BBX: variants seen among roughly 807,000 people sequenced by gnomAD.
BBX encodes BBX high mobility group box domain containing.
Under a neutral mutation model 100.2 loss-of-function variants are expected in BBX, and 30 were observed. That is an observed-to-expected ratio of 0.30 (90% CI 0.22 to 0.41). The LOEUF (loss-of-function observed/expected upper bound fraction) is 0.41, where lower values mean the gene tolerates loss of function less well. BBX is among the 10% of genes least tolerant of loss of function. The probability of loss-of-function intolerance (pLI) is 1.00; values close to 1 mark genes in which losing one functional copy is unlikely to be tolerated. For missense variants in BBX, 1,023 were observed against 1,129.8 expected (o/e 0.91, Z 1.35); for synonymous variants, 376 against 388.1 (o/e 0.97, Z 0.37).
At chr3:107,767,286 G>A (rs1576706488) in intron 10 of BBX, among the ~76,000 whole-genome samples, 1 of 152,122 alleles carries the variant, frequency 6.6e-6, no homozygotes, top group Non-Finnish European at 1.5e-5. Flanking sequence ...AGGAGACTGG[G>A]AGATGGGAGG....
intron 6 of BBX, among the ~76,000 whole-genome samples, chr3:107,730,531 A>G (rs1459790510): frequency 1.3e-5 from 2 of 149,594 alleles, no homozygotes; most frequent in Non-Finnish European, 3.0e-5. Context: ...TTCACAAACC[A>G]TATAACAATT....
chr3:107,661,672 C>T (rs2058450561), intron 3 of BBX, among the ~76,000 whole-genome samples: 1 of 152,170 alleles, frequency 6.6e-6, no homozygotes, highest in African/African-American at 2.4e-5. Flanking sequence ...CCAGCTTCCT[C>T]CCTGTCTGTG....
intron 3 of BBX, among the ~76,000 whole-genome samples, chr3:107,660,503 A>G (rs1194258646): frequency 1.5e-4 from 12 of 81,784 alleles, no homozygotes; most frequent in Non-Finnish European, 2.5e-4. Flanking sequence ...TGCAAAAAGC[A>G]TTAAAAAAAA....
chr3:107,710,519 G>A lies in BBX; in HGVS notation c.59G>A (p.Arg20Gln), dbSNP rs765761541. The A allele has an allele frequency of 4.3e-6, 7 of 1,613,654 alleles. No homozygotes were observed. The highest frequency in any genetic ancestry group is 5.9e-6 in the Non-Finnish European group (7 of 1,179,788). Residue 20 changes from arginine to glutamine, a missense_variant, in exon 4 of 18, where the codon CGA becomes CAA. This residue lies in a region of BBX where 229 missense variants were observed against 226.3 expected (regional missense o/e 1.01). Transcript: ENST00000325805. ...GCAGAAGGAGAAGGGGTTGGAAAAC[G>A]ACCAAAACGAAAGTGTCTTCAGTGG... is the stretch of plus-strand genomic sequence containing the variant. ...HSAEGEGVGK[R>Q]PKRKCLQWHP...
intron 3 of BBX, among the ~76,000 whole-genome samples, chr3:107,665,512 C>T (rs1576245104): frequency 6.6e-6 from 1 of 152,218 alleles, no homozygotes; most frequent in East Asian, 1.9e-4. Flanking sequence ...GCTTTAGGCC[C>T]ATAACTGTGT....
intron 2 of BBX, among the ~76,000 whole-genome samples, chr3:107,570,027 A>G (rs2051228408): frequency 6.6e-6 from 1 of 152,166 alleles, no homozygotes; most frequent in Admixed American, 6.5e-5. Flanking sequence ...TCCCGTACAG[A>G]TAGAACATGG....
intron 2 of BBX, among the ~76,000 whole-genome samples, chr3:107,549,527 C>T (rs750644703): frequency 1.3e-5 from 2 of 152,192 alleles, no homozygotes; most frequent in Non-Finnish European, 2.9e-5. Flanking sequence ...TGTCCGTCCT[C>T]TTCCAAGACA....
At chr3:107,616,042 T>G (rs946093056) in intron 2 of BBX, among the ~76,000 whole-genome samples, 1 of 127,656 alleles carries the variant, frequency 7.8e-6, no homozygotes, top group African/African-American at 3.0e-5. Context: ...TTTTTTTTTT[T>G]GCTGTTGTTG....
intron 3 of BBX, among the ~76,000 whole-genome samples, chr3:107,665,517 CTG>C (rs2058693485): frequency 6.6e-6 from 1 of 152,130 alleles, no homozygotes; most frequent in African/African-American, 2.4e-5. Flanking sequence ...AGGCCCATAA[CTG>C]TGTCACAGCA....
chr3:107,607,436 T>C (rs2054535762), intron 2 of BBX, among the ~76,000 whole-genome samples: 1 of 152,196 alleles, frequency 6.6e-6, no homozygotes, highest in Non-Finnish European at 1.5e-5. Context: ...GTGTACCACA[T>C]TTTCTTTGTT....
chr3:107,796,190 G>A (rs2069642237), intron 15 of BBX, among the ~76,000 whole-genome samples: 1 of 152,202 alleles, frequency 6.6e-6, no homozygotes, highest in Admixed American at 6.5e-5. Context: ...TGGTCTCTCT[G>A]TGACTGTTAC....
chr3:107,638,778 T>TGG (rs1559904153), intron 2 of BBX, among the ~76,000 whole-genome samples: 1 of 21,628 alleles, frequency 4.6e-5, no homozygotes, highest in South Asian at 2.0e-3. Flanking sequence ...AAAAAAAAAG[T>TGG]ATACACACAC....
chr3:107,656,117 T>A (rs1339176506), intron 3 of BBX, among the ~76,000 whole-genome samples: 3 of 152,198 alleles, frequency 2.0e-5, no homozygotes, highest in East Asian at 3.8e-4. Flanking sequence ...TGAAAAGAGA[T>A]GCAAAATTTT....
At chr3:107,538,359 T>C (rs1408573334) in intron 2 of BBX, among the ~76,000 whole-genome samples, 1 of 152,192 alleles carries the variant, frequency 6.6e-6, no homozygotes, top group Non-Finnish European at 1.5e-5. Flanking sequence ...GTGATGTATT[T>C]ACTGCATAAG....
At chr3:107,614,614 T>C (rs1478759144) in intron 2 of BBX, among the ~76,000 whole-genome samples, 2 of 152,240 alleles carry the variant, frequency 1.3e-5, no homozygotes, top group East Asian at 3.8e-4. Context: ...TATTTTCATA[T>C]AACATACTCA....
At chr3:107,742,099 A>T (rs1349453128) in intron 7 of BBX, among the ~76,000 whole-genome samples, 1 of 152,156 alleles carries the variant, frequency 6.6e-6, no homozygotes, top group African/African-American at 2.4e-5. Context: ...AATTTTTCTT[A>T]CGTTGACAAC....
At chr3:107,682,861 A>G (rs2059639939) in intron 3 of BBX, among the ~76,000 whole-genome samples, 1 of 152,214 alleles carries the variant, frequency 6.6e-6, no homozygotes. Context: ...GATCAGAAAG[A>G]GAAAATCACT....
chr3:107,728,280 T>C (rs1187829699), intron 5 of BBX, among the ~76,000 whole-genome samples: 6 of 152,194 alleles, frequency 3.9e-5, no homozygotes, highest in Non-Finnish European at 8.8e-5. Context: ...GCTAAAGATA[T>C]GAGTGATGTG....
At chr3:107,758,795 C>G (rs1176282118) in intron 10 of BBX, among the ~76,000 whole-genome samples, 1 of 152,050 alleles carries the variant, frequency 6.6e-6, no homozygotes, top group African/African-American at 2.4e-5. Context: ...AAAAGAAAAA[C>G]ATAACCTTGG....
Sources: gnomAD v4.1 joint callset for allele counts (sites outside exome capture counted in the v4.1 genomes callset) on GRCh38, gnomAD v4.1.1 for gene constraint, gnomAD v4.1.1 regional missense constraint, MANE v1.5 for transcripts, NCBI Gene and HGNC (gene_info 2026-07-23, HGNC 2026-07-21) for gene names.